Variants in KLC2 observed in about 807,000 individuals in gnomAD.
KLC2 encodes the protein KLC 2.
Under a neutral mutation model 75.1 loss-of-function variants are expected in KLC2, and 35 were observed. The observed-to-expected ratio is 0.47, with a 90% CI of 0.36 to 0.62. KLC2 has a LOEUF of 0.62. KLC2 is among the 20% of genes least tolerant of loss of function. The probability of loss-of-function intolerance (pLI) is 0.00; values close to 1 mark genes in which losing one functional copy is unlikely to be tolerated. For synonymous variants in KLC2, 314 were observed against 336.7 expected (o/e 0.93, Z 0.74); for missense variants, 611 against 833.2 (o/e 0.73, Z 3.28).
At chr11:66,246,315 G>C in the KLC2 span, 2 of 152,300 alleles carry the variant, frequency 1.3e-5, no homozygotes, top group East Asian at 1.9e-4. Context: ...TCCAGTGGAG[G>C]GGGTGGGACA....
intron 11 of KLC2, 69 bp from the exon 12 acceptor site, chr11:66,265,586 T>C (rs1856765531): frequency 7.6e-7 from 1 of 1,317,326 alleles, no homozygotes; most frequent in African/African-American, 1.5e-5. Flanking sequence ...CAGGGCCCAC[T>C]GTGGGCTGGG....
At chr11:66,265,328 C>A in intron 11 of KLC2, 93 bp downstream of exon 11, 1 of 1,132,964 alleles carries the variant, frequency 8.8e-7, no homozygotes. Flanking sequence ...TCCTCTGCTG[C>A]TCATCTGGCA....
the KLC2 span, among the ~76,000 whole-genome samples, chr11:66,248,235 G>A: frequency 5.3e-5 from 8 of 152,144 alleles, no homozygotes; most frequent in South Asian, 2.1e-4. Flanking sequence ...GCTATATACC[G>A]CCCTGCCAGT....
At chr11:66,262,381 C>T in intron 4 of KLC2, 189 bp downstream of exon 4, 3 of 605,720 alleles carry the variant, frequency 5.0e-6, no homozygotes, top group Admixed American at 2.8e-5. Flanking sequence ...GAGCAGACAT[C>T]ACAATTAGCT....
upstream of KLC2, among the ~76,000 whole-genome samples, chr11:66,252,411 G>C (rs992055282): frequency 6.6e-6 from 1 of 151,864 alleles, no homozygotes; most frequent in Non-Finnish European, 1.5e-5. Context: ...TCAGCCTCCC[G>C]AGCCACCATG....
At chr11:66,258,370 A>G in intron 1 of KLC2, 2 of 566,416 alleles carry the variant, frequency 3.5e-6, no homozygotes, top group Non-Finnish European at 6.3e-6. Context: ...GGGCCGAAGC[A>G]GGATCCGGCT....
At position 66,266,897 on chromosome 11, in the gene KLC2, A is replaced by G. The variant is rs2134844736; in HGVS notation, c.1810A>G (p.Ser604Gly). The G allele has an allele frequency of 6.2e-7, 1 of 1,613,586 alleles. No individual in the cohort carries two copies. Among genetic ancestry groups the G allele is most frequent in the Non-Finnish European group, 8.5e-7 (1 of 1,180,024 alleles). ...GCCTGGAGGCACAGGTCTCTCTGACAGCCGCACTCTCAGCTCCAGCTCCAT... is the reference window on the plus strand; with the variant it reads ...GCCTGGAGGCACAGGTCTCTCTGACGGCCGCACTCTCAGCTCCAGCTCCAT... ...TQPGGTGLSD[S>G]RTLSSSSMDL... is the part of the protein sequence containing the mutation. Residue 604 changes from serine (S) to glycine (G), a missense_variant, in exon 16 of 16, where the codon AGC (serine) becomes GGC (glycine). By Grantham distance (56) the Ser-to-Gly change is moderately conservative (BLOSUM62 0). Transcript: ENST00000394067.
chr11:66,244,551 A>C, the KLC2 span: 1 of 152,332 alleles, frequency 6.6e-6, no homozygotes, highest in African/African-American at 2.4e-5. Flanking sequence ...CCTTCCCAGA[A>C]GTTTTTGCAC....
the KLC2 span, chr11:66,244,879 G>A: frequency 2.6e-5 from 4 of 152,222 alleles, no homozygotes; most frequent in African/African-American, 9.7e-5. Context: ...CTCAATCATG[G>A]AAACAGGCAT....
intron 11 of KLC2, 186 bp from the exon 12 acceptor site, chr11:66,265,469 C>G: frequency 1.5e-6 from 1 of 675,172 alleles, no homozygotes; most frequent in Non-Finnish European, 2.5e-6. Context: ...GGCCAGGTCC[C>G]CAGCCCTGGG....
At chr11:66,261,691 T>G in intron 2 of KLC2, 51 bp from the exon 3 acceptor site, 2 of 1,267,848 alleles carry the variant, frequency 1.6e-6, no homozygotes, top group Non-Finnish European at 1.1e-6. Flanking sequence ...GCTACAGTCA[T>G]AGGCGAGGGG....
intron 14 of KLC2, 83 bp from the exon 15 acceptor site, chr11:66,266,350 C>A: frequency 6.7e-7 from 1 of 1,481,652 alleles, no homozygotes; most frequent in Non-Finnish European, 9.2e-7. Context: ...CAGTCTGTTC[C>A]CTCCCCAGCC....
Position 66,264,102 on chromosome 11 carries a change from G to A in KLC2, c.999G>A (p.Leu333=), listed in dbSNP as rs1242548050. ...AGCAGCTCAGCAACCTGGCCCTGCT[G>A]TGCCAGAACCAGGGCAAAGCTGAGG... The part of the protein sequence containing the change: ...VAKQLSNLAL[L]CQNQGKAEEV... The change falls in exon 8 of 16, where the codon CTG becomes CTA. Residue 333 remains leucine (L), a synonymous_variant. Transcript: ENST00000394067. 1 of 1,605,202 alleles carries A rather than the reference G, an allele frequency of 6.2e-7. No homozygotes were observed. The highest frequency in any genetic ancestry group is 8.5e-7 in the Non-Finnish European group (1 of 1,175,308).
the KLC2 span, among the ~76,000 whole-genome samples, chr11:66,248,642 T>C: frequency 6.6e-6 from 1 of 152,104 alleles, no homozygotes; most frequent in Non-Finnish European, 1.5e-5. Context: ...TGTCCCTATT[T>C]TATGCATGTC....
At chr11:66,256,998 A>G (rs932968509), upstream of KLC2, among the ~76,000 whole-genome samples, 1 of 152,220 alleles carries the variant, frequency 6.6e-6, no homozygotes, top group Non-Finnish European at 1.5e-5. Flanking sequence ...GGGGCAGCCC[A>G]GGGAAGAGAT....
At chr11:66,250,333 G>A in the KLC2 span, among the ~76,000 whole-genome samples, 1 of 152,100 alleles carries the variant, frequency 6.6e-6, no homozygotes, top group Non-Finnish European at 1.5e-5. Context: ...GCGGACCCTC[G>A]ATAAAGGTTG....
rs1856662781 is a variant in KLC2 at position 66,264,350 on chromosome 11, C to G, written c.1122C>G (p.Ser374=). The G allele has an allele frequency of 6.2e-7, 1 of 1,611,954 alleles. No individual in the cohort carries two copies. Among genetic ancestry groups the G allele is most frequent in the South Asian group, 1.1e-5 (1 of 90,580 alleles). ...TCTGGGTCTCCCGCTTCCAGGCTTC[C>G]TGCTACCTGAAGCAGGGCAAGTACC... is the stretch of plus-strand genomic sequence containing the variant. ...NVAKTKNNLA[S]CYLKQGKYQD... The change falls in exon 9 of 16, where the codon TCC becomes TCG. Residue 374 remains serine (S), a synonymous_variant. Coordinates refer to ENST00000394067, the MANE Select transcript of KLC2 (RefSeq NM_001318734.2).
upstream of KLC2, among the ~76,000 whole-genome samples, chr11:66,254,155 G>C (rs1375065589): frequency 6.6e-6 from 1 of 152,144 alleles, no homozygotes; most frequent in African/African-American, 2.4e-5. Context: ...CTGGGAGGCA[G>C]AGGTTGCAGT....
chr11:66,258,654 C>A lies in KLC2; in HGVS notation c.60C>A (p.Gly20=), dbSNP rs762621170. 6 of 1,613,956 alleles carry A rather than the reference C, an allele frequency of 3.7e-6. No homozygotes were observed. The highest frequency in any genetic ancestry group is 1.3e-5 in the African/African-American group (1 of 74,944). Residue 20 remains glycine, a synonymous_variant, in exon 2 of 16, where the codon GGC becomes GGA. Coordinates refer to ENST00000394067, the MANE Select transcript of KLC2 (RefSeq NM_001318734.2). ...EKLSQDEIVL[G]TKAVIQGLET... ...TGAGCCAGGATGAGATCGTGCTGGG[C>A]ACCAAGGCTGTCATCCAGGGACTGG...
Sources: allele counts gnomAD v4.1 joint callset (sites outside exome capture counted in the v4.1 genomes callset), GRCh38; gene constraint gnomAD v4.1.1; transcripts MANE v1.5; gene names NCBI Gene and HGNC (gene_info 2026-07-23, HGNC 2026-07-21).